The following VPS13C variants were observed in gnomAD, a reference collection of about 807,000 sequenced individuals.
The protein encoded by VPS13C is intermembrane lipid transfer protein VPS13C.
A neutral mutation model predicts 456.8 loss-of-function variants in VPS13C; 358 were observed. The ratio of observed to expected loss-of-function variants is 0.78; its 90% CI spans 0.72 to 0.86. The LOEUF (loss-of-function observed/expected upper bound fraction) is 0.86. VPS13C is among the 40% of genes least tolerant of loss of function. VPS13C has a pLI of 0.00. For missense variants in VPS13C, 4,818 were observed against 4,385.4 expected, an observed-to-expected ratio of 1.10 and a Z score of -2.79; for synonymous variants, 1,578 against 1,486.7, an observed-to-expected ratio of 1.06 and a Z score of -1.41.
intron 79 of VPS13C, among the ~76,000 whole-genome samples, chr15:61,870,991 T>C (rs1894982738): frequency 6.6e-6 from 1 of 152,218 alleles, no homozygotes; most frequent in Non-Finnish European, 1.5e-5. Context: ...TAGTTCTCTA[T>C]ATTTTCTAGA....
intron 27 of VPS13C, 55 bp from the exon 28 acceptor site, chr15:61,969,507 A>G: frequency 7.8e-7 from 1 of 1,289,228 alleles, no homozygotes. Context: ...CATACTTAAA[A>G]TAATGAAAAC....
At chr15:62,011,507 G>A (rs758394599) in intron 12 of VPS13C, among the ~76,000 whole-genome samples, 3 of 151,942 alleles carry the variant, frequency 2.0e-5, no homozygotes, top group Middle Eastern at 3.2e-3. Context: ...GAGTAATACG[G>A]AACAACGTGA....
intron 82 of VPS13C, among the ~76,000 whole-genome samples, chr15:61,859,944 G>C (rs143938838): frequency 6.6e-6 from 1 of 151,714 alleles, no homozygotes; most frequent in Non-Finnish European, 1.5e-5. Flanking sequence ...AAGAAACTTA[G>C]GTCTTGAGAA....
At chr15:61,935,153 G>C (rs1427388214) in intron 48 of VPS13C, among the ~76,000 whole-genome samples, 1 of 152,098 alleles carries the variant, frequency 6.6e-6, no homozygotes, top group Non-Finnish European at 1.5e-5. Context: ...ATGATGCAGG[G>C]GAAAGGAGTG....
At chr15:61,894,463 A>T (rs1325501496) in intron 66 of VPS13C, among the ~76,000 whole-genome samples, 5 of 152,142 alleles carry the variant, frequency 3.3e-5, no homozygotes, top group Non-Finnish European at 7.4e-5. Flanking sequence ...ATATGGCCCA[A>T]CTATATGTTG....
chr15:62,057,125 C>T (rs144093541), intron 1 of VPS13C, among the ~76,000 whole-genome samples: 191 of 152,218 alleles, frequency 1.3e-3, no homozygotes, highest in African/African-American at 4.3e-3. Context: ...AGAGACCCAC[C>T]GACCCTGTGG....
intron 9 of VPS13C, among the ~76,000 whole-genome samples, chr15:62,014,234 T>C (rs1036793237): frequency 6.6e-6 from 1 of 152,082 alleles, no homozygotes; most frequent in East Asian, 1.9e-4. Flanking sequence ...GGTTAATATG[T>C]ATTTGAACTG....
At chr15:62,043,668 C>G (rs144886284) in intron 2 of VPS13C, among the ~76,000 whole-genome samples, 4 of 152,160 alleles carry the variant, frequency 2.6e-5, no homozygotes, top group Non-Finnish European at 4.4e-5. Flanking sequence ...AAACAATAAA[C>G]TCATTAAGTG....
chr15:61,864,947 G>T, intron 81 of VPS13C: 10 of 979,510 alleles, frequency 1.0e-5, no homozygotes, highest in Non-Finnish European at 1.2e-5. Context: ...TTTCTATCTT[G>T]TATGTATTTT....
chr15:62,031,345 T>C (rs2047814951), intron 5 of VPS13C, among the ~76,000 whole-genome samples: 1 of 151,938 alleles, frequency 6.6e-6, no homozygotes, highest in South Asian at 2.1e-4. Context: ...GCTTTTAATA[T>C]CAATAAACAA....
chr15:61,942,393 G>A (rs1355822744), intron 45 of VPS13C, among the ~76,000 whole-genome samples: 1 of 151,528 alleles, frequency 6.6e-6, no homozygotes, highest in East Asian at 1.9e-4. Flanking sequence ...TTTTTATTAA[G>A]AATGTTGGTT....
chr15:61,886,010 G>C (rs889282343), intron 67 of VPS13C, among the ~76,000 whole-genome samples: 6 of 152,074 alleles, frequency 3.9e-5, no homozygotes, highest in Admixed American at 2.6e-4. Context: ...AGGTTGTTCT[G>C]AATGTCTTCA....
chr15:61,920,099 C>T lies in VPS13C; in HGVS notation c.7445G>A (p.Arg2482His), dbSNP rs115481870. The stretch of plus-strand genomic sequence containing the variant: ...CAGAGTGAAGAAGGAGCTTTCTTGA[C>T]GGCTCAATATAGATAGGTTCCCTTG... ...SSQGNLSILSRQESSFFTLTI... is the reference protein window; with the variant it reads ...SSQGNLSILSHQESSFFTLTI... The change falls in exon 57 of 85, where the codon CGT becomes CAT. Residue 2482 changes from arginine (R) to histidine (H), a missense_variant. Arg to His is a conservative substitution (Grantham distance 29). Around this residue, in one of 3 missense-constraint regions of VPS13C, gnomAD observed 4,552 missense variants for 4,130.6 expected, o/e 1.10. Coordinates refer to ENST00000644861, the MANE Select transcript of VPS13C (RefSeq NM_020821.3). 9.2e-3 allele frequency: 14,785 copies of T among 1,608,018 alleles called. 206 individuals carry two copies. Among genetic ancestry groups the T allele is most frequent in the South Asian group, 0.05 (4,485 of 90,220 alleles).
chr15:62,016,531 T>A (rs564495814), intron 9 of VPS13C, among the ~76,000 whole-genome samples: 45 of 151,044 alleles, frequency 3.0e-4, no homozygotes, highest in African/African-American at 6.8e-4. Context: ...GTTTGGTTTT[T>A]TGTCCTTGCA....
chr15:61,864,854 T>C (rs1452132985), intron 81 of VPS13C: 1 of 977,514 alleles, frequency 1.0e-6, no homozygotes. Flanking sequence ...AATTTAATAA[T>C]GTAATGCATT....
intron 82 of VPS13C, among the ~76,000 whole-genome samples, chr15:61,860,570 G>A (rs1423904824): frequency 6.6e-6 from 1 of 152,090 alleles, no homozygotes; most frequent in African/African-American, 2.4e-5. Context: ...CCAATAGTGA[G>A]GGAGTATTTT....
intron 65 of VPS13C, 49 bp downstream of exon 65, chr15:61,908,943 T>C (rs1459441510): frequency 1.3e-6 from 2 of 1,583,876 alleles, no homozygotes; most frequent in South Asian, 2.3e-5. Context: ...TTCCCATTAG[T>C]TACTATGAAC....
chr15:62,059,723 C>T (rs1487931253), intron 1 of VPS13C, among the ~76,000 whole-genome samples: 1 of 152,116 alleles, frequency 6.6e-6, no homozygotes, highest in East Asian at 1.9e-4. Context: ...AGTAAGAATC[C>T]CTAAGCACAC....
chr15:62,053,174 A>G (rs1200912023), intron 1 of VPS13C, among the ~76,000 whole-genome samples: 2 of 152,216 alleles, frequency 1.3e-5, no homozygotes, highest in Non-Finnish European at 2.9e-5. Context: ...TATATGCCAT[A>G]GGACAAGCTA....
Sources: gnomAD v4.1 joint callset for allele counts (sites outside exome capture counted in the v4.1 genomes callset) on GRCh38, gnomAD v4.1.1 for gene constraint, gnomAD v4.1.1 regional missense constraint, MANE v1.5 for transcripts, NCBI Gene and HGNC (gene_info 2026-07-23, HGNC 2026-07-21) for gene names.